Variants in CHD7 observed in about 807,000 individuals in gnomAD.
The protein encoded by CHD7 is ATP-dependent chromatin remodeler CHD7.
A neutral mutation model predicts 307.3 loss-of-function variants in CHD7; 24 were observed. The ratio of observed to expected loss-of-function variants is 0.08; its 90% CI spans 0.06 to 0.11. The LOEUF (loss-of-function observed/expected upper bound fraction) is 0.11. Ranked by LOEUF, CHD7 falls within the 10% of genes least tolerant of loss-of-function variation. The probability of loss-of-function intolerance (pLI) is 1.00; values close to 1 mark genes in which losing one functional copy is unlikely to be tolerated. For missense variants in CHD7, 3,106 were observed against 3,727.1 expected, an observed-to-expected ratio of 0.83 and a Z score of 4.34; for synonymous variants, 1,363 against 1,349.9, an observed-to-expected ratio of 1.01 and a Z score of -0.21.
At chr8:60,718,646 A>C (rs1173446566) in intron 1 of CHD7, among the ~76,000 whole-genome samples, 11 of 152,248 alleles carry the variant, frequency 7.2e-5, no homozygotes, top group Admixed American at 7.2e-4. Context: ...AGTCTATAAA[A>C]TAAAAAAGTT....
intron 4 of CHD7, among the ~76,000 whole-genome samples, chr8:60,797,470 T>G (rs554867873): frequency 6.6e-6 from 1 of 152,338 alleles, no homozygotes; most frequent in Admixed American, 6.5e-5. Context: ...GCACACTGTC[T>G]TATTGTACTG....
intron 2 of CHD7, among the ~76,000 whole-genome samples, chr8:60,763,482 A>T (rs1382034919): frequency 6.6e-6 from 1 of 152,052 alleles, no homozygotes; most frequent in Non-Finnish European, 1.5e-5. Context: ...AGGGGAGTAG[A>T]ACTTTACAGG....
intron 1 of CHD7, among the ~76,000 whole-genome samples, chr8:60,679,315 C>T (rs1233870405): frequency 6.8e-6 from 1 of 146,200 alleles, no homozygotes; most frequent in African/African-American, 2.5e-5. Context: ...GAACCCGCGC[C>T]CCGAGCGCCG....
intron 2 of CHD7, among the ~76,000 whole-genome samples, chr8:60,751,868 A>T (rs1809658265): frequency 6.6e-6 from 1 of 152,218 alleles, no homozygotes; most frequent in Non-Finnish European, 1.5e-5. Flanking sequence ...GTCAACGTAG[A>T]TACAGGACTA....
intron 21 of CHD7, among the ~76,000 whole-genome samples, chr8:60,843,229 CATT>C (rs1432014314): frequency 6.6e-6 from 1 of 152,178 alleles, no homozygotes; most frequent in East Asian, 1.9e-4. Context: ...AGAAGTCCAT[CATT>C]ATCTGTGAAG....
intron 1 of CHD7, among the ~76,000 whole-genome samples, chr8:60,697,346 T>C (rs1180645443): frequency 1.3e-5 from 2 of 152,234 alleles, no homozygotes; most frequent in Admixed American, 6.5e-5. Flanking sequence ...GCAATAGCTT[T>C]GCACTTATAA....
chr8:60,862,964 G>A (rs1806073437), intron 37 of CHD7: 1 of 267,188 alleles, frequency 3.7e-6, no homozygotes, highest in African/African-American at 2.2e-5. Flanking sequence ...AGGATGTATG[G>A]TGGTTGAGAT....
intron 1 of CHD7, chr8:60,679,927 C>T (rs1805503751): frequency 6.6e-6 from 1 of 151,992 alleles, no homozygotes; most frequent in Admixed American, 6.5e-5. Flanking sequence ...TTGGGGGCTC[C>T]TGGGGCTCCC....
intron 1 of CHD7, among the ~76,000 whole-genome samples, chr8:60,710,378 G>A (rs578258782): frequency 4.3e-4 from 66 of 152,162 alleles, no homozygotes; most frequent in African/African-American, 1.5e-3. Context: ...AGTTATGTAC[G>A]GTGTCGATTC....
chr8:60,837,092 A>T (rs1344282437), intron 17 of CHD7, 80 bp downstream of exon 17: 11 of 1,136,824 alleles, frequency 9.7e-6, no homozygotes, highest in Non-Finnish European at 1.4e-5. Flanking sequence ...AGTCAGACCC[A>T]TAAATTAATG....
intron 18 of CHD7, 94 bp from the exon 19 acceptor site, chr8:60,837,982 T>G: frequency 7.9e-7 from 1 of 1,269,160 alleles, no homozygotes; most frequent in South Asian, 1.7e-5. Flanking sequence ...ATAATTTAGG[T>G]TTACTCTCTT....
intron 2 of CHD7, among the ~76,000 whole-genome samples, chr8:60,770,889 T>C (rs538625067): frequency 6.6e-6 from 1 of 152,352 alleles, no homozygotes; most frequent in South Asian, 2.1e-4. Flanking sequence ...TTAAGCAGAA[T>C]TGTGTGAGCA....
chr8:60,856,252 C>T (rs746492944), intron 33 of CHD7, 50 bp downstream of exon 33: 35 of 1,414,860 alleles, frequency 2.5e-5, no homozygotes, highest in Non-Finnish European at 3.3e-5. Flanking sequence ...CTCTCTAAGC[C>T]TTAACTGAGT....
intron 21 of CHD7, among the ~76,000 whole-genome samples, chr8:60,842,489 A>G (rs758441825): frequency 2.0e-5 from 3 of 152,232 alleles, no homozygotes; most frequent in Non-Finnish European, 4.4e-5. Flanking sequence ...CATATGAAAC[A>G]TGAATGGTCA....
chr8:60,849,241 A>C, intron 25 of CHD7, 87 bp downstream of exon 25: 1 of 805,812 alleles, frequency 1.2e-6, no homozygotes. Flanking sequence ...CCAAAGTCAT[A>C]ATATTAATGA....
At chr8:60,824,859 T>C (rs1446837593) in intron 13 of CHD7, 1 of 152,204 alleles carries the variant, frequency 6.6e-6, no homozygotes, top group Non-Finnish European at 1.5e-5. Flanking sequence ...AAGGATTTGA[T>C]TTATTTTCTG....
rs567669818 is a variant in CHD7 at position 60,717,771 on chromosome 8, A to G, written c.-174-23488A>G. ...TGTAGTCATCATAATGTAGAGCAAC[A>G]CATTACCCATGGGTTTGTGGTGATG... On this transcript the variant is annotated intron_variant, in intron 1 of 37. Coordinates refer to ENST00000423902, the MANE Select transcript of CHD7 (RefSeq NM_017780.4). 8.5e-5 allele frequency among the ~76,000 whole-genome samples: 13 copies of G among 152,296 alleles called. No homozygotes were observed. In the South Asian group the frequency reaches 2.7e-3, roughly 32 times the overall value.
intron 6 of CHD7, among the ~76,000 whole-genome samples, chr8:60,803,660 T>C (rs1323985786): frequency 2.0e-5 from 3 of 152,210 alleles, no homozygotes; most frequent in Non-Finnish European, 4.4e-5. Flanking sequence ...ATGGAATTGC[T>C]TGTCAGTTAC....
chr8:60,705,870 G>A (rs1242052940), intron 1 of CHD7, among the ~76,000 whole-genome samples: 1 of 152,188 alleles, frequency 6.6e-6, no homozygotes, highest in Non-Finnish European at 1.5e-5. Context: ...CATTTATACT[G>A]TGTTTTATTG....
Sources: gnomAD v4.1 joint callset for allele counts (sites outside exome capture counted in the v4.1 genomes callset) on GRCh38, gnomAD v4.1.1 for gene constraint, MANE v1.5 for transcripts, NCBI Gene and HGNC (gene_info 2026-07-23, HGNC 2026-07-21) for gene names.